Variants in SEMA6D observed in about 807,000 individuals in gnomAD.
SEMA6D encodes the protein semaphorin-6D.
Under a neutral mutation model 106.6 loss-of-function variants are expected in SEMA6D, and 35 were observed. That is an observed-to-expected ratio of 0.33 (90% CI 0.25 to 0.44). SEMA6D has a LOEUF of 0.44. SEMA6D is among the 20% of genes least tolerant of loss of function. The pLI is 1.00. For synonymous variants in SEMA6D, 499 were observed against 487.7 expected, an observed-to-expected ratio of 1.02 and a Z score of -0.31; for missense variants, 1,185 against 1,345.9, an observed-to-expected ratio of 0.88 and a Z score of 1.87.
intron 2 of SEMA6D, among the ~76,000 whole-genome samples, chr15:47,419,729 C>T (rs1595950340): frequency 1.3e-5 from 2 of 152,012 alleles, no homozygotes; most frequent in African/African-American, 4.8e-5. Flanking sequence ...GAGAAGTTTC[C>T]ATAGGAAGTA....
chr15:47,402,216 C>T (rs549858295), intron 1 of SEMA6D, among the ~76,000 whole-genome samples: 1 of 152,288 alleles, frequency 6.6e-6, no homozygotes, highest in African/African-American at 2.4e-5. Context: ...TAAATAGCTA[C>T]TGTTTAATAT....
intron 1 of SEMA6D, among the ~76,000 whole-genome samples, chr15:47,722,447 C>G (rs1319562996): frequency 2.6e-5 from 4 of 152,146 alleles, no homozygotes; most frequent in African/African-American, 9.7e-5. Context: ...AGTGCCGAAA[C>G]TTTCTGTCGC....
intron 1 of SEMA6D, among the ~76,000 whole-genome samples, chr15:47,277,523 A>G (rs576792497): frequency 2.6e-5 from 4 of 151,798 alleles, no homozygotes; most frequent in Non-Finnish European, 5.9e-5. Context: ...GACTCAGTGC[A>G]GACTCAGATG....
chr15:47,634,313 A>G (rs1372638987), intron 4 of SEMA6D, among the ~76,000 whole-genome samples: 1 of 152,138 alleles, frequency 6.6e-6, no homozygotes. Context: ...CAGGGCACCA[A>G]CTTGCTTTCA....
intron 1 of SEMA6D, among the ~76,000 whole-genome samples, chr15:47,408,727 G>A (rs372614072): frequency 1.3e-5 from 2 of 152,186 alleles, no homozygotes; most frequent in Non-Finnish European, 2.9e-5. Context: ...GATGCTGTTA[G>A]GTTTAACGAA....
intron 3 of SEMA6D, among the ~76,000 whole-genome samples, chr15:47,476,278 A>G (rs2042998474): frequency 6.6e-6 from 1 of 152,296 alleles, no homozygotes; most frequent in African/African-American, 2.4e-5. Flanking sequence ...TTGGGAAGGG[A>G]TATGTTTATC....
intron 2 of SEMA6D, among the ~76,000 whole-genome samples, chr15:47,442,835 A>G (rs1184542904): frequency 6.6e-6 from 1 of 152,068 alleles, no homozygotes; most frequent in Non-Finnish European, 1.5e-5. Context: ...CTTTGTTGTA[A>G]AATAGAGAAA....
chr15:47,710,611 G>T (rs892020826), intron 4 of SEMA6D, among the ~76,000 whole-genome samples: 3 of 152,128 alleles, frequency 2.0e-5, no homozygotes, highest in African/African-American at 7.2e-5. Flanking sequence ...CACACACAGT[G>T]TGTGCAATGA....
intron 1 of SEMA6D, among the ~76,000 whole-genome samples, chr15:47,345,069 TAAAG>T (rs1385380970): frequency 6.6e-6 from 1 of 152,240 alleles, no homozygotes; most frequent in Middle Eastern, 3.4e-3. Context: ...TAAAGGAAAT[TAAAG>T]AAGACCTAAA....
chr15:47,593,241 A>G (rs2076472144), intron 3 of SEMA6D, among the ~76,000 whole-genome samples: 1 of 151,912 alleles, frequency 6.6e-6, no homozygotes, highest in African/African-American at 2.4e-5. Flanking sequence ...TGTCTCTACT[A>G]AAAATACAGA....
At chr15:47,549,074 G>A (rs2045608385) in intron 3 of SEMA6D, among the ~76,000 whole-genome samples, 1 of 152,118 alleles carries the variant, frequency 6.6e-6, no homozygotes, top group Non-Finnish European at 1.5e-5. Flanking sequence ...CCTAGGAGCT[G>A]AAAATGACCT....
At chr15:47,556,247 C>T (rs969642343) in intron 3 of SEMA6D, among the ~76,000 whole-genome samples, 2 of 152,082 alleles carry the variant, frequency 1.3e-5, no homozygotes, top group African/African-American at 2.4e-5. Flanking sequence ...GCAATCCCAC[C>T]CCACCAACAA....
intron 4 of SEMA6D, among the ~76,000 whole-genome samples, chr15:47,701,964 A>T: frequency 6.6e-6 from 1 of 152,236 alleles, no homozygotes; most frequent in Non-Finnish European, 1.5e-5. Flanking sequence ...GTAGACAGAA[A>T]AAGTGGCCCA....
chr15:47,370,132 C>T (rs933263853), intron 1 of SEMA6D, among the ~76,000 whole-genome samples: 1 of 152,174 alleles, frequency 6.6e-6, no homozygotes, highest in African/African-American at 2.4e-5. Flanking sequence ...CTTCACTCTT[C>T]AATACTTAAA....
At chr15:47,371,118 C>G (rs1181072669) in intron 1 of SEMA6D, among the ~76,000 whole-genome samples, 1 of 152,186 alleles carries the variant, frequency 6.6e-6, no homozygotes, top group African/African-American at 2.4e-5. Flanking sequence ...TATGGACTCT[C>G]ATGTACTTTT....
chr15:47,417,962 A>G (rs2041030402), intron 2 of SEMA6D, among the ~76,000 whole-genome samples: 1 of 152,078 alleles, frequency 6.6e-6, no homozygotes, highest in Non-Finnish European at 1.5e-5. Flanking sequence ...GTTAATTTTC[A>G]ATGGAGGAGA....
rs567446801 is a variant in SEMA6D at position 47,719,653 on chromosome 15, C to G, written c.-55+1961C>G. Among the ~76,000 whole-genome samples the G allele has an allele frequency of 8.5e-5, 13 of 152,200 alleles. 1 individual carries two copies. In the South Asian group the frequency reaches 2.7e-3, roughly 32 times the overall value. ...TCTGTCCCTTAGAATAGGAAAAATA[C>G]TTGTTTGAAGAAAATTTTCAAGGTT... On this transcript the variant is annotated intron_variant, in intron 1 of 18. Coordinates refer to ENST00000536845, the MANE Select transcript of SEMA6D (RefSeq NM_001358351.3).
At chr15:47,670,471 G>C (rs1357021465) in intron 4 of SEMA6D, among the ~76,000 whole-genome samples, 1 of 152,146 alleles carries the variant, frequency 6.6e-6, no homozygotes, top group Non-Finnish European at 1.5e-5. Flanking sequence ...CAGGAGTCTT[G>C]GCTAATGCAT....
chr15:47,606,495 C>T (rs955621830), intron 4 of SEMA6D: 6 of 152,162 alleles, frequency 3.9e-5, no homozygotes, highest in African/African-American at 1.4e-4. Context: ...CTTTTATGAC[C>T]TAGCTTCAGA....
Sources: allele counts gnomAD v4.1 joint callset (sites outside exome capture counted in the v4.1 genomes callset), GRCh38; gene constraint gnomAD v4.1.1; transcripts MANE v1.5; gene names NCBI Gene and HGNC (gene_info 2026-07-23, HGNC 2026-07-21).